The following DMD variants were observed in gnomAD, a reference collection of about 807,000 sequenced individuals.
The protein encoded by DMD is dystrophin.
Under a neutral mutation model 330.1 loss-of-function variants are expected in DMD, and 63 were observed. The ratio of observed to expected loss-of-function variants is 0.19; its 90% confidence interval spans 0.16 to 0.24. DMD has a LOEUF of 0.24. Ranked by LOEUF, DMD falls within the 10% of genes least tolerant of loss-of-function variation. The pLI is 1.00. For missense variants in DMD, 3,344 were observed against 2,684.1 expected (o/e 1.25, Z -5.43); for synonymous variants, 1,223 against 959.8 (o/e 1.27, Z -5.07).
rs773350303 is a variant in DMD at position 33,079,519 on chromosome X, C to T, written c.32-59319G>A. Among the ~76,000 whole-genome samples the T allele has an allele frequency of 1.5e-3, 162 of 111,596 alleles. 1 individual carries two copies. The highest frequency in any genetic ancestry group is 5.2e-3 in the African/African-American group (159 of 30,749). ...ATAGGAGTTTTACATAATCTCAGAA[C>T]ATATGTCAATCATATATTTACACAA... On this transcript the variant is annotated intron_variant, in intron 1 of 78. Transcript: ENST00000357033.
rs375557173 is a variant in DMD, at chrX:32,485,005, A to G, written c.2717T>C (p.Phe906Ser). The change falls in exon 21 of 79, where the codon TTC (phenylalanine) becomes TCC (serine). Residue 906 changes from phenylalanine to serine, a missense_variant. Transcript: ENST00000357033. ...ALKEKGQGPMFLDADFVAFTN... is the reference protein window; with the variant it reads ...ALKEKGQGPMSLDADFVAFTN... ...AAAGGCCACAAAGTCTGCATCCAGG[A>G]ACATGGGTCCTTGTCCTTTCTCTTT... 1 of 1,209,847 alleles carries G rather than the reference A, an allele frequency of 8.3e-7. No individual in the cohort carries two copies. Among genetic ancestry groups the G allele is most frequent in the African/African-American group, 1.7e-5 (1 of 57,203 alleles).
At chrX:33,291,522 G>A in intron 1 of DMD, among the ~76,000 whole-genome samples, 1 of 111,287 alleles carries the variant, frequency 9.0e-6, no homozygotes, top group Non-Finnish European at 1.9e-5. Context: ...TCACACTGAT[G>A]TTCTCGTTAT....
intron 50 of DMD, among the ~76,000 whole-genome samples, chrX:31,804,432 C>T (rs1411837842): frequency 1.8e-5 from 2 of 111,453 alleles, no homozygotes; most frequent in East Asian, 5.6e-4. Flanking sequence ...TCACCTGAAC[C>T]ACTGGAATAG....
intron 13 of DMD, among the ~76,000 whole-genome samples, chrX:32,583,317 G>A (rs1190789431): frequency 9.0e-6 from 1 of 111,171 alleles, no homozygotes; most frequent in Non-Finnish European, 1.9e-5. Context: ...CCAACATGGT[G>A]AAACCCTGTC....
At chrX:31,820,142 A>C in intron 49 of DMD, 59 bp from the exon 50 acceptor site, 1 of 954,367 alleles carries the variant, frequency 1.0e-6, no homozygotes, top group Non-Finnish European at 1.5e-6. Context: ...ATAATTCATG[A>C]ACATCTTAAT....
chrX:32,178,971 T>TCC (rs1557194187), intron 44 of DMD, among the ~76,000 whole-genome samples: 25 of 103,523 alleles, frequency 2.4e-4, no homozygotes, highest in African/African-American at 4.1e-4. Flanking sequence ...TCTCTCTCTC[T>TCC]CTCTCTCTCT....
Position 33,020,158 on chromosome X carries a change from A to G in DMD, c.74T>C (p.Val25Ala), listed in dbSNP as rs886039061. 1 of 1,190,139 alleles carries G rather than the reference A, an allele frequency of 8.4e-7. No homozygotes were observed. Among genetic ancestry groups the G allele is most frequent in the African/African-American group, 1.8e-5 (1 of 56,917 alleles). ...TCTTACCTTAGAAAATTGTGCATTT[A>G]CCCATTTTGTGAATGTTTTCTTTTG... ...DVQKKTFTKW[V>A]NAQFSKFGKQ... Residue 25 changes from valine to alanine, a missense_variant, in exon 2 of 79, where the codon GTA becomes GCA. Physicochemically the swap from Val to Ala is moderately conservative, Grantham distance 64. Transcript: ENST00000357033.
intron 54 of DMD, among the ~76,000 whole-genome samples, chrX:31,636,871 G>C (rs1030066205): frequency 1.8e-5 from 2 of 111,544 alleles, no homozygotes; most frequent in East Asian, 5.6e-4. Context: ...GATTTAGAAA[G>C]AAGGCATTAC....
At chrX:31,362,709 C>A (rs751196990) in intron 60 of DMD, among the ~76,000 whole-genome samples, 11 of 112,994 alleles carry the variant, frequency 9.7e-5, no homozygotes, top group Admixed American at 5.6e-4. Context: ...CTTCGGGAGG[C>A]CGAGGCTGGT....
rs1205247076 is a variant in DMD, at chrX:31,663,236, TGCTGTGCAGACCTTACATTGGGTGAATTA to T, written c.7873-5121_7873-5093del. ...CTGCTCCCTCTGTAATTCCATTACC[TGCTGTGCAGACCTTACATTGGGTGAATTA>T]GCACCCGATGGTTCTGGTTTCTGGG... On this transcript the variant is annotated intron_variant, in intron 53 of 78. Transcript: ENST00000357033. Among the ~76,000 whole-genome samples, 24 of 111,912 alleles carry T rather than the reference TGCTGTGCAGACCTTACATTGGGTGAATTA, an allele frequency of 2.1e-4. 1 individual carries two copies. In the Admixed American group the frequency reaches 2.3e-3, roughly 11 times the overall value.
chrX:31,821,908 A>G (rs1410573399), intron 49 of DMD, among the ~76,000 whole-genome samples: 3 of 112,476 alleles, frequency 2.7e-5, no homozygotes, highest in Non-Finnish European at 5.6e-5. Flanking sequence ...TTAAATAGGA[A>G]TGGAATGAAC....
At position 31,774,084 on chromosome X, in the gene DMD, G is replaced by A; in HGVS notation, c.7418C>T (p.Ala2473Val). Reference protein sequence around the residue: ...SSLMLEVPALADFNRAWTELT... With the variant: ...SSLMLEVPALVDFNRAWTELT... ...TTCTGTCCAAGCCCGGTTGAAATCTGCCAGAGCAGGTACCTCCAACATCAA... is the reference window on the plus strand; with the variant it reads ...TTCTGTCCAAGCCCGGTTGAAATCTACCAGAGCAGGTACCTCCAACATCAA... Residue 2473 changes from alanine to valine, a missense_variant, in exon 51 of 79, where the codon GCA becomes GTA. By Grantham distance (64) the Ala-to-Val change is moderately conservative. Coordinates refer to ENST00000357033, the MANE Select transcript of DMD (RefSeq NM_004006.3). The A allele has an allele frequency of 2.5e-6, 3 of 1,210,564 alleles. No homozygotes were observed. Among genetic ancestry groups the A allele is most frequent in the Non-Finnish European group, 3.4e-6 (3 of 894,860 alleles).
chrX:32,644,405 G>T, intron 10 of DMD, 92 bp from the exon 11 acceptor site: 1 of 964,658 alleles, frequency 1.0e-6, no homozygotes, highest in African/African-American at 1.9e-5. Context: ...TAAACTTGTG[G>T]CCCATTTAGA....
At chrX:31,644,051 T>C (rs904115348) in intron 54 of DMD, among the ~76,000 whole-genome samples, 23 of 111,754 alleles carry the variant, frequency 2.1e-4, no homozygotes, top group African/African-American at 7.2e-4. Context: ...GATTCTGACT[T>C]GTACTTTCAA....
At chrX:32,298,531 T>C (rs746984469) in intron 42 of DMD, among the ~76,000 whole-genome samples, 1 of 95,862 alleles carries the variant, frequency 1.0e-5, no homozygotes, top group Non-Finnish European at 1.9e-5. Context: ...ATATATGTCA[T>C]GATTCAGGAG....
intron 2 of DMD, among the ~76,000 whole-genome samples, chrX:32,972,782 G>A (rs904469927): frequency 9.0e-6 from 1 of 111,602 alleles, no homozygotes; most frequent in African/African-American, 3.3e-5. Flanking sequence ...GGATAATAAT[G>A]GTGTCTAATT....
intron 38 of DMD, among the ~76,000 whole-genome samples, chrX:32,347,726 A>G (rs765343505): frequency 9.0e-4 from 101 of 111,947 alleles, no homozygotes; most frequent in Non-Finnish European, 8.1e-4. Flanking sequence ...AAAATTGTGA[A>G]AAGGAGGATG....
chrX:31,981,991 A>G (rs1303934945), intron 44 of DMD, among the ~76,000 whole-genome samples: 1 of 112,012 alleles, frequency 8.9e-6, no homozygotes, highest in African/African-American at 3.2e-5. Context: ...TTCCTGCTAA[A>G]GAGCATTTCT....
Position 32,306,047 on chromosome X carries a change from T to G in DMD, c.6117+4035A>C, listed in dbSNP as rs368114352. Among the ~76,000 whole-genome samples, 41 of 74,631 alleles carry G rather than the reference T, an allele frequency of 5.5e-4. 1 individual carries two copies. The highest frequency in any genetic ancestry group is 2.0e-3 in the African/African-American group (38 of 18,984). 64.8% of individuals were successfully genotyped at this position (74,631 alleles called of 115,157 possible). ...CCTATATCCCCTTAACAGATTCTGGTTTTTTTTTTTTTCCCAAAATACGTA... is the reference window on the plus strand; with the variant it reads ...CCTATATCCCCTTAACAGATTCTGGGTTTTTTTTTTTTCCCAAAATACGTA... On this transcript the variant is annotated intron_variant, in intron 42 of 78. Transcript: ENST00000357033.
Sources: allele counts gnomAD v4.1 joint callset (sites outside exome capture counted in the v4.1 genomes callset), GRCh38; gene constraint gnomAD v4.1.1; transcripts MANE v1.5; gene names NCBI Gene and HGNC (gene_info 2026-07-23, HGNC 2026-07-21).